TAS1R3: variants seen among roughly 807,000 people sequenced by gnomAD.
TAS1R3 encodes taste receptor type 1 member 3.
In TAS1R3, 58 loss-of-function variants were observed where a neutral mutation model predicts 46.1. The observed-to-expected ratio is 1.26, with a 90% CI of 1.02 to 1.57. TAS1R3 has a LOEUF of 1.57. Ranked by LOEUF, TAS1R3 falls within the 40% of genes most tolerant of loss-of-function variation. The pLI, the probability that TAS1R3 is intolerant of heterozygous loss-of-function variation, is 0.00. For synonymous variants in TAS1R3, 724 were observed against 544.7 expected, an observed-to-expected ratio of 1.33 and a Z score of -4.58; for missense variants, 1,422 against 1,185.8, an observed-to-expected ratio of 1.20 and a Z score of -2.93.
rs754177609 is a variant in TAS1R3 at position 1,332,488 on chromosome 1, C to T, written c.957C>T (p.Gly319=). Residue 319 remains glycine, a synonymous_variant, in exon 3 of 6, where the codon GGC becomes GGT. Coordinates refer to ENST00000339381, the MANE Select transcript of TAS1R3 (RefSeq NM_152228.3). ...VMGLPGMAQM[G]TVLGFLQRGA... ...GGCTGCCCGGCATGGCCCAGATGGGCACGGTGCTTGGCTTCCTCCAGAGGG... is the reference window on the plus strand; with the variant it reads ...GGCTGCCCGGCATGGCCCAGATGGGTACGGTGCTTGGCTTCCTCCAGAGGG... 24 of 1,610,512 alleles carry T rather than the reference C, an allele frequency of 1.5e-5. No individual in the cohort carries two copies. The Admixed American group carries it at 3.8e-4, about 26-fold the overall frequency.
At position 1,332,397 on chromosome 1, in the gene TAS1R3, G is replaced by A. The variant is rs756671858; in HGVS notation, c.866G>A (p.Ser289Asn). ...AAHALFNYSI[S>N]SRLSPKVWVA... The stretch of plus-strand genomic sequence containing the variant: ...CACGCCCTCTTCAACTACAGCATCA[G>A]CAGCAGGCTCTCGCCCAAGGTGTGG... Residue 289 changes from serine (S) to asparagine (N), a missense_variant, in exon 3 of 6, where the codon AGC (serine) becomes AAC (asparagine). By Grantham distance (46) the Ser-to-Asn change is conservative. Coordinates refer to ENST00000339381, the MANE Select transcript of TAS1R3 (RefSeq NM_152228.3). The A allele has an allele frequency of 6.2e-7, 1 of 1,603,876 alleles. No homozygotes were observed. The highest frequency in any genetic ancestry group is 1.1e-5 in the South Asian group (1 of 90,090).
chr1:1,334,360 C>T lies in TAS1R3; in HGVS notation c.2455C>T (p.Arg819Trp), dbSNP rs145836110. 419 of 1,610,660 alleles carry T rather than the reference C, an allele frequency of 2.6e-4. No homozygotes were observed. The highest frequency in any genetic ancestry group is 3.3e-4 in the Non-Finnish European group (394 of 1,179,016). ...FHLPRCYLLM[R>W]QPGLNTPEFF... Reference sequence around the variant, plus strand: ...CCTGCCCAGGTGTTACCTGCTCATGCGGCAGCCAGGGCTCAACACCCCCGA... The same window carrying T: ...CCTGCCCAGGTGTTACCTGCTCATGTGGCAGCCAGGGCTCAACACCCCCGA... The change falls in exon 6 of 6, where the codon CGG (arginine) becomes TGG (tryptophan). Residue 819 changes from arginine to tryptophan, a missense_variant. Transcript: ENST00000339381.
Position 1,332,907 on chromosome 1 carries a change from T to C in TAS1R3, c.1276-14T>C. On this transcript the variant is annotated splice_polypyrimidine_tract_variant and intron_variant, in intron 3 of 5. Coordinates refer to ENST00000339381, the MANE Select transcript of TAS1R3 (RefSeq NM_152228.3). ...GGAGGTGGCTGGCGGCTCAGCCCCG[T>C]CCCCCGCCCGCAGCTCCTGGAGAAC... The C allele has an allele frequency of 1.3e-6, 2 of 1,598,382 alleles. No homozygotes were observed. The highest frequency in any genetic ancestry group is 1.1e-5 in the South Asian group (1 of 89,428).
At position 1,331,720 on chromosome 1, in the gene TAS1R3, G is replaced by C. The variant is rs369354921; in HGVS notation, c.274G>C (p.Gly92Arg). Residue 92 changes from glycine (G) to arginine (R), a missense_variant, in exon 2 of 6, where the codon GGG (glycine) becomes CGG (arginine). Gly to Arg is a moderately radical substitution (Grantham distance 125). Coordinates refer to ENST00000339381, the MANE Select transcript of TAS1R3 (RefSeq NM_152228.3). Reference sequence around the variant, plus strand: ...CAACAACAAGTCGGATCTGCTGCCCGGGCTGCGCCTGGGCTACGACCTCTT... The same window carrying C: ...CAACAACAAGTCGGATCTGCTGCCCCGGCTGCGCCTGGGCTACGACCTCTT... ...EINNKSDLLP[G>R]LRLGYDLFDT... is the part of the protein sequence containing the mutation. 3 of 1,612,960 alleles carry C rather than the reference G, an allele frequency of 1.9e-6. No individual in the cohort carries two copies. Among genetic ancestry groups the C allele is most frequent in the Non-Finnish European group, 1.7e-6 (2 of 1,180,014 alleles).
Position 1,333,094 on chromosome 1 carries a change from G to A in TAS1R3, c.1449G>A (p.Leu483=). ...RFNGSLRTER[L]KIRWHTSDNQ... ...ACGGCAGCCTCAGGACAGAGCGCCT[G>A]AAGATCCGCTGGCACACGTCTGACA... is the stretch of plus-strand genomic sequence containing the variant. Residue 483 remains leucine, a synonymous_variant, in exon 4 of 6, where the codon CTG becomes CTA. Coordinates refer to ENST00000339381, the MANE Select transcript of TAS1R3 (RefSeq NM_152228.3). 6.2e-7 allele frequency: 1 copy of A among 1,612,318 alleles called. No homozygotes were observed. The highest frequency in any genetic ancestry group is 8.5e-7 in the Non-Finnish European group (1 of 1,179,720).
intron 3 of TAS1R3, 57 bp from the exon 4 acceptor site, chr1:1,332,864 G>A (rs985008408): frequency 2.3e-5 from 36 of 1,587,282 alleles, no homozygotes; most frequent in African/African-American, 6.7e-5. Context: ...CACCAGGCAC[G>A]GCCACCACGC....
rs367565528 is a variant in TAS1R3, at chr1:1,334,159, C to T, written c.2254C>T (p.Arg752Trp). 3.4e-5 allele frequency: 54 copies of T among 1,585,066 alleles called. No individual in the cohort carries two copies. The highest frequency in any genetic ancestry group is 3.3e-4 in the Middle Eastern group (2 of 6,026). The stretch of plus-strand genomic sequence containing the variant: ...CTGCTTCCTGGGCACTTTCCTGGTG[C>T]GGAGCCAGCCGGGCTGCTACAACCG... ...FLCFLGTFLV[R>W]SQPGCYNRAR... The change falls in exon 6 of 6, where the codon CGG becomes TGG. Residue 752 changes from arginine to tryptophan, a missense_variant. Transcript: ENST00000339381.
At position 1,333,759 on chromosome 1, in the gene TAS1R3, C is replaced by A. The variant is rs2100692064; in HGVS notation, c.1854C>A (p.Cys618Ter). The change falls in exon 6 of 6, where the codon TGC becomes TGA. Residue 618 changes from cysteine (C) to a stop codon, truncating the protein, a stop_gained. Transcript: ENST00000339381. LOFTEE classifies it low-confidence loss of function (END_TRUNC). The stretch of plus-strand genomic sequence containing the variant: ...GCCTGGTGTGCCTGGGCCTGGTCTG[C>A]CTCAGCGTCCTCCTGTTCCCTGGCC... ...CFGLVCLGLV[C>*]LSVLLFPGQP... is the part of the protein sequence containing the mutation. The A allele has an allele frequency of 6.3e-7, 1 of 1,596,404 alleles. No individual in the cohort carries two copies. Among genetic ancestry groups the A allele is most frequent in the East Asian group, 2.2e-5 (1 of 44,456 alleles).
Position 1,332,791 on chromosome 1 carries a change from C to A in TAS1R3, c.1260C>A (p.Pro420=). Reference sequence around the variant, plus strand: ...CCTCAGGCTGCCCCGCGCAGGACCCCGTGAAGCCCTGGCAGGTGAGCCCGG... The same window carrying A: ...CCTCAGGCTGCCCCGCGCAGGACCCAGTGAAGCCCTGGCAGGTGAGCCCGG... ...CNASGCPAQD[P]VKPWQLLENM... is the part of the protein sequence containing the mutation. The change falls in exon 3 of 6, where the codon CCC becomes CCA. Residue 420 remains proline, a synonymous_variant. Coordinates refer to ENST00000339381, the MANE Select transcript of TAS1R3 (RefSeq NM_152228.3). 1 of 1,604,696 alleles carries A rather than the reference C, an allele frequency of 6.2e-7. No homozygotes were observed. Among genetic ancestry groups the A allele is most frequent in the Non-Finnish European group, 8.5e-7 (1 of 1,177,294 alleles).
chr1:1,332,075 T>G lies in TAS1R3; in HGVS notation c.544T>G (p.Ser182Ala). The G allele has an allele frequency of 6.2e-7, 1 of 1,601,318 alleles. No homozygotes were observed. The highest frequency in any genetic ancestry group is 8.5e-7 in the Non-Finnish European group (1 of 1,179,506). The change falls in exon 3 of 6, where the codon TCC becomes GCC. Residue 182 changes from serine to alanine, a missense_variant. Physicochemically the swap from Ser to Ala is moderately conservative, Grantham distance 99 (BLOSUM62 1). Transcript: ENST00000339381. ...ELLSARETFP[S>A]FFRTVPSDRV... ...GCTGAGCGCCCGGGAGACCTTCCCC[T>G]CCTTCTTCCGCACCGTGCCCAGCGA...
In TAS1R3 at chr1:1,331,314, A is replaced by G; in HGVS notation, c.-32A>G. 7 of 1,535,548 alleles carry G rather than the reference A, an allele frequency of 4.6e-6. No individual in the cohort carries two copies. Among genetic ancestry groups the G allele is most frequent in the Non-Finnish European group, 6.1e-6 (7 of 1,143,594 alleles). ...ATGTGAGGCCCCAGTCGGGGCAGCC[A>G]CCTGCCGTGCCTGTTGGAAGTTGCC... On this transcript the variant is annotated 5_prime_UTR_variant, in exon 1 of 6. Transcript: ENST00000339381.
Position 1,332,602 on chromosome 1 carries a change from G to A in TAS1R3, c.1071G>A (p.Arg357=), listed in dbSNP as rs148104497. Residue 357 remains arginine (R), a synonymous_variant, in exon 3 of 6, where the codon AGG becomes AGA. Transcript: ENST00000339381. The part of the protein sequence containing the change: ...DPAFCSALGE[R]EQGLEEDVVG... ...CCTTCTGCTCTGCCCTGGGCGAGAG[G>A]GAGCAGGGTCTGGAGGAGGACGTGG... 298 of 1,611,100 alleles carry A rather than the reference G, an allele frequency of 1.8e-4. 1 individual carries two copies. In the African/African-American group the frequency reaches 3.5e-3, roughly 19 times the overall value.
rs369649309 is a variant in TAS1R3 at position 1,332,935 on chromosome 1, G to A, written c.1290G>A (p.Met430Ile). The A allele has an allele frequency of 3.7e-6, 6 of 1,610,196 alleles. No individual in the cohort carries two copies. In the African/African-American group the frequency reaches 5.3e-5, roughly 14 times the overall value. The part of the protein sequence containing the change: ...PVKPWQLLEN[M>I]YNLTFHVGGL... The stretch of plus-strand genomic sequence containing the variant: ...CCCGCCCGCAGCTCCTGGAGAACAT[G>A]TACAACCTGACCTTCCACGTGGGCG... Residue 430 changes from methionine (M) to isoleucine (I), a missense_variant, in exon 4 of 6, where the codon ATG becomes ATA. Met to Ile is a conservative substitution (Grantham distance 10). Coordinates refer to ENST00000339381, the MANE Select transcript of TAS1R3 (RefSeq NM_152228.3).
rs1398127216 is a variant in TAS1R3, at chr1:1,331,743, CTT to C, written c.299_300del (p.Phe100Ter). The C allele has an allele frequency of 6.2e-7, 1 of 1,612,862 alleles. No homozygotes were observed. The highest frequency in any genetic ancestry group is 8.5e-7 in the Non-Finnish European group (1 of 1,180,046). The stretch of plus-strand genomic sequence containing the variant: ...CCGGGCTGCGCCTGGGCTACGACCT[CTT>C]TGATACGTGCTCGGAGCCTGTGGTG... ...LPGLRLGYDLFDTCSEPVVAM... is the reference protein window; with the variant it reads ...LPGLRLGYDLXDTCSEPVVAM... On this transcript the variant is annotated frameshift_variant, in exon 2 of 6. Coordinates refer to ENST00000339381, the MANE Select transcript of TAS1R3 (RefSeq NM_152228.3). LOFTEE classifies it high-confidence loss of function.
At position 1,333,621 on chromosome 1, in the gene TAS1R3, G is replaced by GCTC; in HGVS notation, c.1719_1721dup (p.Leu576dup). 10 of 1,610,752 alleles carry GCTC rather than the reference G, an allele frequency of 6.2e-6. No homozygotes were observed. The highest frequency in any genetic ancestry group is 8.5e-6 in the Non-Finnish European group (10 of 1,179,746). Reference sequence around the variant, plus strand: ...GGGGCGAGCCGGCTGTGCTGCTGCTGCTCCTGCTGCTGAGCCTGGCGCTGG... The same window carrying GCTC: ...GGGGCGAGCCGGCTGTGCTGCTGCTGCTCCTCCTGCTGCTGAGCCTGGCGCTGG... On this transcript the variant is annotated inframe_insertion, in exon 6 of 6. Coordinates refer to ENST00000339381, the MANE Select transcript of TAS1R3 (RefSeq NM_152228.3).
chr1:1,333,503 C>T lies in TAS1R3; in HGVS notation c.1601-3C>T, dbSNP rs1469846989. ...CACCCAGCGCCCTTCTCCTCTCTCA[C>T]AGACGACATCGCCTGCACCTTTTGT... On this transcript the variant is annotated splice_region_variant and splice_polypyrimidine_tract_variant and intron_variant, in intron 5 of 5. Transcript: ENST00000339381. 1 of 1,600,554 alleles carries T rather than the reference C, an allele frequency of 6.2e-7. No homozygotes were observed. The highest frequency in any genetic ancestry group is 8.5e-7 in the Non-Finnish European group (1 of 1,177,856).
Position 1,332,068 on chromosome 1 carries a change from C to T in TAS1R3, c.537C>T (p.Thr179=), listed in dbSNP as rs1166835937. The T allele has an allele frequency of 1.9e-6, 3 of 1,603,794 alleles. No individual in the cohort carries two copies. Among genetic ancestry groups the T allele is most frequent in the Non-Finnish European group, 2.5e-6 (3 of 1,179,892 alleles). The change falls in exon 3 of 6, where the codon ACC becomes ACT. Residue 179 remains threonine (T), a synonymous_variant. Coordinates refer to ENST00000339381, the MANE Select transcript of TAS1R3 (RefSeq NM_152228.3). ...TGGAGCTGCTGAGCGCCCGGGAGAC[C>T]TTCCCCTCCTTCTTCCGCACCGTGC... ...ASMELLSARE[T]FPSFFRTVPS...
At chr1:1,333,161 T>C (rs746375526) in intron 4 of TAS1R3, 37 bp downstream of exon 4, 58 of 1,600,576 alleles carry the variant, frequency 3.6e-5, no homozygotes, top group South Asian at 2.8e-4. Flanking sequence ...GTGCCCGTGG[T>C]AGCCCCCGCG....
At position 1,334,701 on chromosome 1, in the gene TAS1R3, C is replaced by T; in HGVS notation, c.*237C>T. The T allele has an allele frequency of 1.9e-6, 1 of 513,846 alleles. No individual in the cohort carries two copies. 31.8% of individuals were successfully genotyped at this position (513,846 alleles called of 1,614,324 possible). A position where few individuals can be genotyped will look rare whatever the true frequency, so the allele number is the denominator to read the frequency against. ...CCCTCTGTGCCCAGACCAGGCCTGC[C>T]CAGGTAACCCAGACCCACTGTTCTG... On this transcript the variant is annotated 3_prime_UTR_variant, in exon 6 of 6. Transcript: ENST00000339381.
Sources: gnomAD v4.1 joint callset for allele counts on GRCh38, gnomAD v4.1.1 for gene constraint, MANE v1.5 for transcripts, NCBI Gene and HGNC (gene_info 2026-07-23, HGNC 2026-07-21) for gene names.